DNAH12: variants seen among roughly 807,000 people sequenced by gnomAD.
DNAH12 encodes the protein axonemal beta dynein heavy chain 12.
Under a neutral mutation model 371.5 loss-of-function variants are expected in DNAH12, and 285 were observed. That is an observed-to-expected ratio of 0.77 (90% CI 0.70 to 0.85). The LOEUF (loss-of-function observed/expected upper bound fraction) is 0.85, where lower values mean the gene tolerates loss of function less well. DNAH12 is among the 40% of genes least tolerant of loss of function. The pLI, the probability that DNAH12 is intolerant of heterozygous loss-of-function variation, is 0.00. For missense variants in DNAH12, 3,611 were observed against 3,689.4 expected (o/e 0.98, Z 0.55); for synonymous variants, 1,200 against 1,213.0 (o/e 0.99, Z 0.22).
At position 57,420,403 on chromosome 3, in the gene DNAH12, T is replaced by A. The variant is rs1455254037; in HGVS notation, c.5563-885A>T. Reference sequence around the variant, plus strand: ...ACATGTTTGAATTGTGGTAACTTTGTAAGTTTGGGTGAATGTTTCTTTAGT... The same window carrying A: ...ACATGTTTGAATTGTGGTAACTTTGAAAGTTTGGGTGAATGTTTCTTTAGT... On this transcript the variant is annotated intron_variant, in intron 36 of 73. Transcript: ENST00000495027. 4.6e-5 allele frequency among the ~76,000 whole-genome samples: 7 copies of A among 152,332 alleles called. No homozygotes were observed. In the East Asian group the frequency reaches 1.3e-3, roughly 29 times the overall value.
Position 57,421,599 on chromosome 3 carries a change from A to T in DNAH12, c.5481T>A (p.Asp1827Glu), listed in dbSNP as rs1192399210. ...FIRLIILGKD[D>E]ENPVPDSVGK... Reference sequence around the variant, plus strand: ...CCACAGAATCTGGCACTGGGTTTTCATCATCTTTTCCCAGTATGATTAATC... The same window carrying T: ...CCACAGAATCTGGCACTGGGTTTTCTTCATCTTTTCCCAGTATGATTAATC... Residue 1827 changes from aspartate (D) to glutamate (E), a missense_variant, in exon 36 of 74, where the codon GAT becomes GAA. Physicochemically the swap from Asp to Glu is conservative, Grantham distance 45. This residue lies in a region of DNAH12 where 2,266 missense variants were observed against 2,236.9 expected (regional missense o/e 1.01). Transcript: ENST00000495027. 1.3e-6 allele frequency: 2 copies of T among 1,551,506 alleles called. No individual in the cohort carries two copies. The highest frequency in any genetic ancestry group is 1.7e-6 in the Non-Finnish European group (2 of 1,146,984).
intron 29 of DNAH12, among the ~76,000 whole-genome samples, chr3:57,442,866 C>T (rs1346155641): frequency 6.6e-6 from 1 of 152,110 alleles, no homozygotes; most frequent in Non-Finnish European, 1.5e-5. Flanking sequence ...GTTAAGTGAT[C>T]TCTTAATGAT....
intron 62 of DNAH12, among the ~76,000 whole-genome samples, chr3:57,325,430 T>C (rs538969539): frequency 6.6e-6 from 1 of 152,356 alleles, no homozygotes; most frequent in East Asian, 1.9e-4. Flanking sequence ...ACCACTGTTC[T>C]GCAAACACCT....
chr3:57,439,492 T>C (rs758739738), intron 29 of DNAH12, among the ~76,000 whole-genome samples: 7 of 152,124 alleles, frequency 4.6e-5, no homozygotes, highest in Non-Finnish European at 1.0e-4. Flanking sequence ...TTGTTAGCCA[T>C]ATATAGAAGA....
Position 57,428,743 on chromosome 3 carries a change from A to G in DNAH12, c.5143T>C (p.Leu1715=), listed in dbSNP as rs1254018989. The change falls in exon 34 of 74, where the codon TTG becomes CTG. Residue 1715 remains leucine (L), a synonymous_variant. Transcript: ENST00000495027. Reference sequence around the variant, plus strand: ...CACAGAGGTCCTTTCAGTGAATTCAACCAAGAAGACACAAGTGGTTCCCAT... The same window carrying G: ...CACAGAGGTCCTTTCAGTGAATTCAGCCAAGAAGACACAAGTGGTTCCCAT... ...LGWEPLVSSW[L]NSLKGPLCEP... 1.3e-6 allele frequency: 2 copies of G among 1,551,596 alleles called. No homozygotes were observed. The highest frequency in any genetic ancestry group is 1.7e-6 in the Non-Finnish European group (2 of 1,146,946).
At chr3:57,448,138 T>C (rs908513739) in intron 25 of DNAH12, among the ~76,000 whole-genome samples, 2 of 152,202 alleles carry the variant, frequency 1.3e-5, no homozygotes, top group African/African-American at 2.4e-5. Context: ...GGTGGGTGCT[T>C]GGTCTCACTG....
intron 69 of DNAH12, among the ~76,000 whole-genome samples, chr3:57,307,411 A>G (rs1427320412): frequency 1.3e-5 from 2 of 152,082 alleles, no homozygotes; most frequent in African/African-American, 4.8e-5. Context: ...CCACAGCCCA[A>G]ATACGGGGCT....
At chr3:57,555,146 A>G in the DNAH12 span, among the ~76,000 whole-genome samples, 1 of 152,076 alleles carries the variant, frequency 6.6e-6, no homozygotes, top group Non-Finnish European at 1.5e-5. Flanking sequence ...TGGGAGGCTG[A>G]GGCACGAGAA....
At chr3:57,422,230 AATTT>A (rs2064611036) in intron 35 of DNAH12, among the ~76,000 whole-genome samples, 1 of 143,338 alleles carries the variant, frequency 7.0e-6, no homozygotes, top group African/African-American at 2.8e-5. Context: ...TATCAAAAAA[AATTT>A]TTTTTTCTTT....
At chr3:57,502,082 AT>A (rs1218164669) in intron 10 of DNAH12, among the ~76,000 whole-genome samples, 1 of 151,388 alleles carries the variant, frequency 6.6e-6, no homozygotes, top group Non-Finnish European at 1.5e-5. Context: ...AATTTTTTGT[AT>A]TTTTTAGTAG....
chr3:57,539,845 T>C (rs547564894), intron 2 of DNAH12, among the ~76,000 whole-genome samples: 22 of 151,966 alleles, frequency 1.4e-4, no homozygotes, highest in Non-Finnish European at 2.9e-4. Context: ...CTTGATCTTC[T>C]GACCTTGTGA....
chr3:57,437,128 G>A (rs981901562), intron 29 of DNAH12, 68 bp from the exon 30 acceptor site: 8 of 997,454 alleles, frequency 8.0e-6, no homozygotes, highest in South Asian at 1.8e-5. Context: ...TCTTATAAGT[G>A]TAGATTTTAA....
At chr3:57,413,180 T>C (rs1344391440) in intron 39 of DNAH12, among the ~76,000 whole-genome samples, 1 of 152,160 alleles carries the variant, frequency 6.6e-6, no homozygotes, top group East Asian at 1.9e-4. Flanking sequence ...TGAAAGAAGC[T>C]AATTTGAAAA....
Position 57,389,839 on chromosome 3 carries a change from T to TATATATATATATATATATAAAA in DNAH12, c.7305+2032_7305+2033insTTTTATATATATATATATATAT, listed in dbSNP as rs1326237791. Among the ~76,000 whole-genome samples the TATATATATATATATATATAAAA allele has an allele frequency of 7.4e-4, 63 of 84,802 alleles. 1 individual carries two copies. Among genetic ancestry groups the TATATATATATATATATATAAAA allele is most frequent in the Admixed American group, 2.4e-3 (19 of 7,850 alleles). 55.6% of individuals were successfully genotyped at this position (84,802 alleles called of 152,430 possible). ...GTGTGTGTGTATATATATATATATA[T>TATATATATATATATATATAAAA]AATACTTTTTTTTTTGAAATGGAGT... On this transcript the variant is annotated intron_variant, in intron 45 of 73. Transcript: ENST00000495027.
At chr3:57,306,092 A>G (rs1024291639) in intron 69 of DNAH12, among the ~76,000 whole-genome samples, 6 of 152,120 alleles carry the variant, frequency 3.9e-5, no homozygotes, top group African/African-American at 1.4e-4. Context: ...GAGCCCCTGG[A>G]ACTCTGGCCC....
At chr3:57,324,316 C>A (rs1385752736) in intron 62 of DNAH12, among the ~76,000 whole-genome samples, 7 of 152,094 alleles carry the variant, frequency 4.6e-5, no homozygotes, top group Admixed American at 4.6e-4. Context: ...TACGCTAATA[C>A]TCATAATAAG....
intron 69 of DNAH12, 108 bp downstream of exon 69, chr3:57,309,043 T>C (rs2061531665): frequency 3.9e-6 from 3 of 764,062 alleles, no homozygotes; most frequent in Admixed American, 3.2e-5. Flanking sequence ...TCTCTCTTCA[T>C]ACCACCCTCA....
At chr3:57,382,935 C>T (rs1280896275) in intron 49 of DNAH12, among the ~76,000 whole-genome samples, 20 of 152,298 alleles carry the variant, frequency 1.3e-4, no homozygotes, top group Middle Eastern at 3.4e-3. Context: ...AACTATATAT[C>T]TTAGTTTTTC....
intron 4 of DNAH12, among the ~76,000 whole-genome samples, chr3:57,515,325 T>A (rs1447599616): frequency 6.6e-6 from 1 of 152,076 alleles, no homozygotes; most frequent in East Asian, 1.9e-4. Context: ...TATAGCATGA[T>A]CCTGGAACAT....
Sources: allele counts gnomAD v4.1 joint callset (sites outside exome capture counted in the v4.1 genomes callset), GRCh38; gene constraint gnomAD v4.1.1; regional missense constraint gnomAD v4.1.1; transcripts MANE v1.5; gene names NCBI Gene and HGNC (gene_info 2026-07-23, HGNC 2026-07-21).